The following ANKRD30BL variants were observed in gnomAD, a reference collection of about 807,000 sequenced individuals.
The protein encoded by ANKRD30BL is ankyrin repeat domain 30B like.
In ANKRD30BL, 20 loss-of-function variants were observed where a neutral mutation model predicts 18.4. The ratio of observed to expected loss-of-function variants is 1.09; its 90% CI spans 0.77 to 1.58. The LOEUF is 1.58. Ranked by LOEUF, ANKRD30BL falls within the 40% of genes most tolerant of loss-of-function variation. The pLI, the probability that ANKRD30BL is intolerant of heterozygous loss-of-function variation, is 0.00. For missense variants in ANKRD30BL, 224 were observed against 268.6 expected, an observed-to-expected ratio of 0.83 and a Z score of 1.16; for synonymous variants, 72 against 100.9, an observed-to-expected ratio of 0.71 and a Z score of 1.72.
intron 1 of ANKRD30BL, among the ~76,000 whole-genome samples, chr2:132,160,303 A>G (rs1187311854): frequency 6.7e-6 from 1 of 148,400 alleles, no homozygotes; most frequent in African/African-American, 2.5e-5. Context: ...GTTTCACTAT[A>G]TTGGCCAGGC....
At chr2:132,167,175 C>T (rs1385880201) in intron 1 of ANKRD30BL, among the ~76,000 whole-genome samples, 2 of 151,476 alleles carry the variant, frequency 1.3e-5, no homozygotes, top group African/African-American at 2.4e-5. Context: ...AATTTTAAGA[C>T]GTTTATGGCC....
chr2:132,215,529 C>A (rs201258833), intron 1 of ANKRD30BL, among the ~76,000 whole-genome samples: 2 of 152,268 alleles, frequency 1.3e-5, no homozygotes, highest in South Asian at 4.1e-4. Flanking sequence ...AATATGTTCA[C>A]ATAAAAATTA....
chr2:132,193,648 G>A (rs1195555555), intron 1 of ANKRD30BL, among the ~76,000 whole-genome samples: 3 of 152,172 alleles, frequency 2.0e-5, no homozygotes, highest in Non-Finnish European at 1.5e-5. Flanking sequence ...AGATGCAACT[G>A]AGGCACTATG....
intron 1 of ANKRD30BL, among the ~76,000 whole-genome samples, chr2:132,177,426 A>T (rs545182419): frequency 6.6e-6 from 1 of 152,224 alleles, no homozygotes; most frequent in East Asian, 1.9e-4. Context: ...TGCTGAGATT[A>T]CAGGCCTGAG....
At chr2:132,164,973 C>T (rs1467051794), upstream of ANKRD30BL, among the ~76,000 whole-genome samples, 1 of 152,094 alleles carries the variant, frequency 6.6e-6, no homozygotes, top group East Asian at 1.9e-4. Flanking sequence ...ACTTGGGAGG[C>T]TGAGGCGTGA....
intron 1 of ANKRD30BL, among the ~76,000 whole-genome samples, chr2:132,186,814 A>C (rs1688568174): frequency 6.6e-6 from 1 of 152,174 alleles, no homozygotes; most frequent in Admixed American, 6.5e-5. Context: ...AAGTTCGTTA[A>C]GTTAAAAAAT....
chr2:132,209,354 A>C (rs1679280828), intron 1 of ANKRD30BL, among the ~76,000 whole-genome samples: 1 of 151,046 alleles, frequency 6.6e-6, no homozygotes, highest in Admixed American at 6.6e-5. Flanking sequence ...TCCCTTAAAA[A>C]CTAGACAGAA....
chr2:132,219,407 G>A (rs1161423108), intron 1 of ANKRD30BL, among the ~76,000 whole-genome samples: 1 of 151,752 alleles, frequency 6.6e-6, no homozygotes, highest in African/African-American at 2.4e-5. Flanking sequence ...GATAGAGCAG[G>A]TTTGAAACAC....
chr2:132,249,831 C>G (rs113579903), intron 1 of ANKRD30BL, among the ~76,000 whole-genome samples: 3 of 140,350 alleles, frequency 2.1e-5, no homozygotes, highest in African/African-American at 7.9e-5. Context: ...ATTTTCACCA[C>G]AGGCCTCAAA....
chr2:132,201,065 A>G (rs1679088090), intron 1 of ANKRD30BL, among the ~76,000 whole-genome samples: 1 of 152,116 alleles, frequency 6.6e-6, no homozygotes, highest in East Asian at 1.9e-4. Context: ...TATTTAATAA[A>G]TGGTTCTGGG....
chr2:132,217,786 C>T (rs2104765843), intron 1 of ANKRD30BL, among the ~76,000 whole-genome samples: 1 of 152,182 alleles, frequency 6.6e-6, no homozygotes, highest in South Asian at 2.1e-4. Context: ...TTCACATAAA[C>T]TCTAGACAGA....
chr2:132,220,326 G>C (rs1183019453), intron 1 of ANKRD30BL, among the ~76,000 whole-genome samples: 1,154 of 33,590 alleles, frequency 0.034, 100 homozygotes, highest in African/African-American at 0.16. Flanking sequence ...CCCTCTCCCT[G>C]TCCCTCTCCC....
intron 1 of ANKRD30BL, among the ~76,000 whole-genome samples, chr2:132,199,168 G>A (rs7586017): frequency 0.023 from 3,508 of 151,940 alleles, 123 homozygotes; most frequent in African/African-American, 0.081. Flanking sequence ...TGGCCAAGAT[G>A]GTGAAACCCC....
chr2:132,165,730 C>G (rs893408458), upstream of ANKRD30BL, among the ~76,000 whole-genome samples: 9 of 144,606 alleles, frequency 6.2e-5, no homozygotes, highest in African/African-American at 1.0e-4. Flanking sequence ...TCAAAACAAA[C>G]AAAAAAAACC....
chr2:132,223,238 T>A (rs898051709), intron 1 of ANKRD30BL, among the ~76,000 whole-genome samples: 16 of 152,160 alleles, frequency 1.1e-4, no homozygotes, highest in African/African-American at 3.4e-4. Flanking sequence ...TTCAAGTGGA[T>A]ATTTTTACTG....
chr2:132,225,811 G>C (rs371359019), intron 1 of ANKRD30BL, among the ~76,000 whole-genome samples: 16 of 150,768 alleles, frequency 1.1e-4, no homozygotes, highest in African/African-American at 3.6e-4. Context: ...GCTTTGAGGC[G>C]TACGGTGGAA....
intron 1 of ANKRD30BL, among the ~76,000 whole-genome samples, chr2:132,222,832 T>TGAAAAAAA (rs559303905): frequency 1.9e-5 from 1 of 52,808 alleles, no homozygotes; most frequent in Non-Finnish European, 3.8e-5. Context: ...GAATGATCAA[T>TGAAAAAAA]AAAAAAAAAA....
chr2:132,206,147 G>A (rs1679208548), intron 1 of ANKRD30BL, among the ~76,000 whole-genome samples: 1 of 151,970 alleles, frequency 6.6e-6, no homozygotes. Flanking sequence ...GACAGAGCAA[G>A]AGAAAGAAAA....
At position 132,185,719 on chromosome 2, in the gene ANKRD30BL, C is replaced by T. The variant is rs556137504; in HGVS notation, n.442-28573G>A. 3.3e-5 allele frequency among the ~76,000 whole-genome samples: 5 copies of T among 152,156 alleles called. No homozygotes were observed. The South Asian group carries it at 8.3e-4, about 25-fold the overall frequency. The stretch of plus-strand genomic sequence containing the variant: ...ACACAACAAAGGAAGAGGTTCAGTC[C>T]CATTTCATTTACAGAAACAGCTTGT... On this transcript the variant is annotated intron_variant and non_coding_transcript_variant, in intron 1 of 4. Coordinates refer to the ANKRD30BL transcript ENST00000470729.
Sources: gnomAD v4.1 joint callset for allele counts (sites outside exome capture counted in the v4.1 genomes callset) on GRCh38, gnomAD v4.1.1 for gene constraint, MANE v1.5 for transcripts, NCBI Gene and HGNC (gene_info 2026-07-23, HGNC 2026-07-21) for gene names.